LAMA1: variants seen among roughly 807,000 people sequenced by gnomAD.
LAMA1 encodes the protein laminin subunit alpha 1, also known as laminin subunit alpha-1.
In LAMA1, 219 loss-of-function variants were observed where a neutral mutation model predicts 348.7. The observed-to-expected ratio is 0.63, with a 90% CI of 0.56 to 0.70. The LOEUF is 0.70. Ranked by LOEUF, LAMA1 falls within the 30% of genes least tolerant of loss-of-function variation. The probability of loss-of-function intolerance (pLI) is 0.00; values close to 1 mark genes in which losing one functional copy is unlikely to be tolerated. For missense variants in LAMA1, 3,744 were observed against 3,888.0 expected (o/e 0.96, Z 0.99); for synonymous variants, 1,487 against 1,491.0 (o/e 1.00, Z 0.06).
Position 7,008,544 on chromosome 18 carries a change from C to T in LAMA1, c.4066G>A (p.Ala1356Thr), listed in dbSNP as rs141657203. Residue 1356 changes from alanine (A) to threonine (T), a missense_variant, in exon 28 of 63, where the codon GCA becomes ACA. Around this residue, in one of 3 missense-constraint regions of LAMA1, gnomAD observed 1,983 missense variants for 1,934.3 expected, o/e 1.03. Transcript: ENST00000389658. ...AEKLHPEEEV[A>T]SLLENCVCPP... ...CAGACACAATTCTCTAAAAGAGATG[C>T]AACCTCTTCTTCTGGGTGCAGCTTT... 2.0e-4 allele frequency: 318 copies of T among 1,613,790 alleles called. No individual in the cohort carries two copies. Among genetic ancestry groups the T allele is most frequent in the Non-Finnish European group, 6.1e-5 (72 of 1,179,818 alleles).
In LAMA1 at chr18:6,948,440, T is replaced by G; in HGVS notation, c.8673A>C (p.Glu2891Asp). The G allele has an allele frequency of 6.2e-7, 1 of 1,614,204 alleles. No homozygotes were observed. Among genetic ancestry groups the G allele is most frequent in the Non-Finnish European group, 8.5e-7 (1 of 1,180,038 alleles). The change falls in exon 60 of 63, where the codon GAA becomes GAC. Residue 2891 changes from glutamate to aspartate, a missense_variant. Coordinates refer to ENST00000389658, the MANE Select transcript of LAMA1 (RefSeq NM_005559.4). ...ATCCGCTTCCGTCAAAGTATGTTCC[T>G]TCCTGGGCCACTGCGTAGCACCTGT... ...TVNRCYAVAQ[E>D]GTYFDGSGYA...
intron 1 of LAMA1, 143 bp from the exon 2 acceptor site, chr18:7,080,600 G>A (rs1440297084): frequency 3.2e-5 from 28 of 868,096 alleles, no homozygotes; most frequent in Middle Eastern, 2.2e-4. Context: ...CACCGTATAC[G>A]CAGCATGGTT....
intron 1 of LAMA1, among the ~76,000 whole-genome samples, chr18:7,085,607 A>AC (rs2058212940): frequency 6.6e-6 from 1 of 151,698 alleles, no homozygotes; most frequent in Non-Finnish European, 1.5e-5. Flanking sequence ...TTTAGTAGAG[A>AC]TGGGGTTTCA....
chr18:7,091,764 C>T (rs1051859462), intron 1 of LAMA1, among the ~76,000 whole-genome samples: 2 of 152,152 alleles, frequency 1.3e-5, no homozygotes, highest in African/African-American at 4.8e-5. Context: ...TTTGCACTGG[C>T]TCCTCAATTT....
Position 7,017,398 on chromosome 18 carries a change from C to A in LAMA1, c.2702-14G>T, listed in dbSNP as rs372149557. On this transcript the variant is annotated splice_polypyrimidine_tract_variant and intron_variant, in intron 19 of 62. Transcript: ENST00000389658. ...GGCATTCACAGGCTAAACACATGCA[C>A]ACAAAGACATATTAACCCTCACTTC... The A allele has an allele frequency of 1.3e-6, 2 of 1,581,866 alleles. No homozygotes were observed. Among genetic ancestry groups the A allele is most frequent in the African/African-American group, 2.7e-5 (2 of 74,068 alleles).
intron 19 of LAMA1, 51 bp downstream of exon 19, chr18:7,023,100 CTATACGGTTGAAG>C: frequency 6.5e-7 from 1 of 1,536,850 alleles, no homozygotes; most frequent in East Asian, 2.4e-5. Flanking sequence ...ACACATGTGA[CTATACGGTTGAAG>C]ACTTCCTATG....
chr18:7,008,221 C>T (rs664184), intron 28 of LAMA1, among the ~76,000 whole-genome samples: 1 of 151,804 alleles, frequency 6.6e-6, no homozygotes, highest in Non-Finnish European at 1.5e-5. Flanking sequence ...GTTTGCGTTT[C>T]GGATGATAAA....
chr18:7,116,899 C>A (rs1353596681), intron 1 of LAMA1, among the ~76,000 whole-genome samples: 1 of 152,126 alleles, frequency 6.6e-6, no homozygotes, highest in African/African-American at 2.4e-5. Context: ...CTGAGTTTCT[C>A]TTCTCAATCC....
At position 7,011,450 on chromosome 18, in the gene LAMA1, C is replaced by T. The variant is rs1330533636; in HGVS notation, c.3537G>A (p.Leu1179=). ...PVTLGSDQPL[L]RVVSQSNLRG... is the part of the protein sequence containing the mutation. ...TCAAGTTACTCTGAGAAACCACACG[C>T]AGAAGAGGCTGATCGGAGCCCAGCG... Residue 1179 remains leucine, a synonymous_variant, in exon 25 of 63, where the codon CTG becomes CTA. Coordinates refer to ENST00000389658, the MANE Select transcript of LAMA1 (RefSeq NM_005559.4). The T allele has an allele frequency of 6.2e-7, 1 of 1,608,068 alleles. No individual in the cohort carries two copies. Among genetic ancestry groups the T allele is most frequent in the Non-Finnish European group, 8.5e-7 (1 of 1,177,572 alleles).
intron 1 of LAMA1, among the ~76,000 whole-genome samples, chr18:7,085,034 G>GA (rs946638586): frequency 4.1e-5 from 6 of 147,048 alleles, no homozygotes; most frequent in Admixed American, 6.8e-5. Flanking sequence ...TTCCATTTTG[G>GA]AAAAAAAAAA....
At chr18:6,952,222 T>C (rs1232176547) in intron 57 of LAMA1, among the ~76,000 whole-genome samples, 3 of 152,088 alleles carry the variant, frequency 2.0e-5, no homozygotes, top group Admixed American at 2.0e-4. Context: ...AGCAGGGAAC[T>C]AGGAGAGTGT....
intron 55 of LAMA1, among the ~76,000 whole-genome samples, chr18:6,957,739 C>A (rs2057586494): frequency 6.6e-6 from 1 of 152,012 alleles, no homozygotes; most frequent in Admixed American, 6.5e-5. Flanking sequence ...CATGTCAGTT[C>A]TTTTCCTCAT....
Position 6,948,406 on chromosome 18 carries a change from G to A in LAMA1, c.8707C>T (p.Leu2903Phe). 7 of 1,614,158 alleles carry A rather than the reference G, an allele frequency of 4.3e-6. No homozygotes were observed. The highest frequency in any genetic ancestry group is 5.9e-6 in the Non-Finnish European group (7 of 1,180,036). ...CGAGAGTGTTGCTAACACATACCAA[G>A]AGCTGCATATCCGCTTCCGTCAAAG... ...TYFDGSGYAA[L>F]VKEGYKVQSD... The change falls in exon 60 of 63, where the codon CTT (leucine) becomes TTT (phenylalanine). Residue 2903 changes from leucine to phenylalanine, a missense_variant. Around this residue, in one of 3 missense-constraint regions of LAMA1, gnomAD observed 232 missense variants for 264.4 expected, o/e 0.88. Coordinates refer to ENST00000389658, the MANE Select transcript of LAMA1 (RefSeq NM_005559.4).
intron 3 of LAMA1, among the ~76,000 whole-genome samples, chr18:7,071,873 C>A (rs940277734): frequency 6.6e-6 from 1 of 152,080 alleles, no homozygotes; most frequent in South Asian, 2.1e-4. Flanking sequence ...AAGTCACAGG[C>A]GATTATGAGA....
In LAMA1 at chr18:7,004,257, A is replaced by C. The variant is rs527276460; in HGVS notation, c.4261-1872T>G. On this transcript the variant is annotated intron_variant, in intron 29 of 62. Transcript: ENST00000389658. ...AAAAGGTTCAGTCGTATCTCCCAGAAGGCGGTGGTAGGGAGTGGGTAACCA... is the reference window on the plus strand; with the variant it reads ...AAAAGGTTCAGTCGTATCTCCCAGACGGCGGTGGTAGGGAGTGGGTAACCA... 1.4e-3 allele frequency among the ~76,000 whole-genome samples: 212 copies of C among 152,304 alleles called. No individual in the cohort carries two copies. In the Middle Eastern group the frequency reaches 0.017, roughly 12 times the overall value.
chr18:6,991,793 A>G (rs2057760064), intron 36 of LAMA1, among the ~76,000 whole-genome samples: 1 of 152,258 alleles, frequency 6.6e-6, no homozygotes. Context: ...ATATAGAAAA[A>G]GATATAAAAC....
At chr18:6,995,014 G>A (rs768285066) in intron 34 of LAMA1, among the ~76,000 whole-genome samples, 1 of 152,084 alleles carries the variant, frequency 6.6e-6, no homozygotes, top group African/African-American at 2.4e-5. Flanking sequence ...CGTGTACTTC[G>A]TTACTGAATG....
In LAMA1 at chr18:6,958,680, A is replaced by G; in HGVS notation, c.7779-18T>C. On this transcript the variant is annotated intron_variant, in intron 54 of 62. Transcript: ENST00000389658. The stretch of plus-strand genomic sequence containing the variant: ...TGATAATTCTAAAAGACCAATGGAG[A>G]AAATAAATGAAAAGCTTTAAACATA... 2.2e-5 allele frequency: 35 copies of G among 1,579,874 alleles called. No individual in the cohort carries two copies. Among genetic ancestry groups the G allele is most frequent in the Non-Finnish European group, 3.0e-5 (34 of 1,148,972 alleles).
intron 23 of LAMA1, 57 bp downstream of exon 23, chr18:7,013,758 A>G: frequency 1.9e-6 from 3 of 1,554,036 alleles, no homozygotes; most frequent in Admixed American, 1.7e-5. Flanking sequence ...GTCAAAGCCC[A>G]GGAGTCATGA....
Sources: allele counts gnomAD v4.1 joint callset (sites outside exome capture counted in the v4.1 genomes callset), GRCh38; gene constraint gnomAD v4.1.1; regional missense constraint gnomAD v4.1.1; transcripts MANE v1.5; gene names NCBI Gene and HGNC (gene_info 2026-07-23, HGNC 2026-07-21).